PRKG1: variants seen among roughly 807,000 people sequenced by gnomAD.
The protein encoded by PRKG1 is cGMP-dependent protein kinase 1.
Under a neutral mutation model 88.1 loss-of-function variants are expected in PRKG1, and 35 were observed. The ratio of observed to expected loss-of-function variants is 0.40; its 90% CI spans 0.30 to 0.53. The LOEUF (loss-of-function observed/expected upper bound fraction) is 0.53. PRKG1 is among the 20% of genes least tolerant of loss of function. The pLI is 0.59. For missense variants in PRKG1, 540 were observed against 839.8 expected, an observed-to-expected ratio of 0.64 and a Z score of 4.41; for synonymous variants, 303 against 292.5, an observed-to-expected ratio of 1.04 and a Z score of -0.37.
chr10:52,036,750 C>T (rs1287434248), intron 5 of PRKG1, among the ~76,000 whole-genome samples: 2 of 152,084 alleles, frequency 1.3e-5, no homozygotes, highest in East Asian at 3.9e-4. Context: ...AATAAGGGAA[C>T]TGGGCAGGTG....
chr10:51,830,330 A>G (rs1839972010), intron 4 of PRKG1, among the ~76,000 whole-genome samples: 1 of 152,068 alleles, frequency 6.6e-6, no homozygotes, highest in Non-Finnish European at 1.5e-5. Context: ...CTACTTTTTG[A>G]GCCATCTAAC....
chr10:51,155,335 A>G (rs992669328), intron 2 of PRKG1, among the ~76,000 whole-genome samples: 1 of 152,076 alleles, frequency 6.6e-6, no homozygotes, highest in Non-Finnish European at 1.5e-5. Flanking sequence ...TGTTTAGAAA[A>G]TGCCCAACAC....
chr10:52,047,376 A>G (rs972418670), intron 5 of PRKG1, among the ~76,000 whole-genome samples: 1 of 152,122 alleles, frequency 6.6e-6, no homozygotes, highest in African/African-American at 2.4e-5. Context: ...ATATTGCTGC[A>G]CTACTTCTGT....
chr10:51,399,883 G>A (rs912221691), intron 2 of PRKG1, among the ~76,000 whole-genome samples: 7 of 152,182 alleles, frequency 4.6e-5, no homozygotes, highest in Admixed American at 4.6e-4. Flanking sequence ...AGCATGGAAT[G>A]TGGGTGCCGG....
chr10:51,266,735 A>G (rs2132168570), intron 2 of PRKG1, among the ~76,000 whole-genome samples: 1 of 152,324 alleles, frequency 6.6e-6, no homozygotes, highest in Middle Eastern at 3.4e-3. Context: ...AGCTGAACAG[A>G]AAAATTGATA....
chr10:51,661,624 G>A (rs1409268956), intron 3 of PRKG1, among the ~76,000 whole-genome samples: 1 of 152,178 alleles, frequency 6.6e-6, no homozygotes, highest in Non-Finnish European at 1.5e-5. Flanking sequence ...CTTTTTCACT[G>A]TTGGTGGGAG....
chr10:52,110,408 G>A (rs1847534661), intron 7 of PRKG1, among the ~76,000 whole-genome samples: 1 of 82,808 alleles, frequency 1.2e-5, no homozygotes, highest in South Asian at 3.5e-4. Flanking sequence ...ATCTCTTTTT[G>A]TACTCTATTG....
chr10:51,417,710 T>G (rs1312242628), intron 2 of PRKG1, among the ~76,000 whole-genome samples: 2 of 152,186 alleles, frequency 1.3e-5, no homozygotes, highest in Non-Finnish European at 2.9e-5. Context: ...ATGCCATTTT[T>G]GGTATGTGAT....
At chr10:52,289,552 A>C (rs1842194073) in intron 16 of PRKG1, among the ~76,000 whole-genome samples, 1 of 152,286 alleles carries the variant, frequency 6.6e-6, no homozygotes, top group East Asian at 1.9e-4. Context: ...ATCCTTATCA[A>C]AGAAACATGT....
At chr10:52,293,066 C>T (rs1011592175) in intron 17 of PRKG1, among the ~76,000 whole-genome samples, 1 of 150,754 alleles carries the variant, frequency 6.6e-6, no homozygotes, top group African/African-American at 2.4e-5. Flanking sequence ...AGCAAAGTCT[C>T]AGGATACAAA....
chr10:52,062,702 C>T (rs1282133073), intron 7 of PRKG1, 71 bp downstream of exon 7: 2 of 1,163,712 alleles, frequency 1.7e-6, no homozygotes, highest in Admixed American at 1.9e-5. Context: ...ATTTTGAGCT[C>T]CTAGCACAAT....
intron 5 of PRKG1, among the ~76,000 whole-genome samples, chr10:52,039,298 A>G (rs1409188208): frequency 6.6e-6 from 1 of 151,980 alleles, no homozygotes; most frequent in African/African-American, 2.4e-5. Flanking sequence ...GTTCTCTGGC[A>G]GGCAGCAGTG....
At chr10:51,159,165 T>C (rs1410723253) in intron 2 of PRKG1, among the ~76,000 whole-genome samples, 1 of 152,108 alleles carries the variant, frequency 6.6e-6, no homozygotes, top group Non-Finnish European at 1.5e-5. Flanking sequence ...CTTTATACAA[T>C]TAAATGATGT....
chr10:51,830,592 C>T (rs1267499934), intron 4 of PRKG1, among the ~76,000 whole-genome samples: 1 of 127,430 alleles, frequency 7.8e-6, no homozygotes, highest in African/African-American at 2.9e-5. Flanking sequence ...GTCACAGTCT[C>T]ACTCTGTCGG....
chr10:52,006,116 A>G (rs915537583), intron 5 of PRKG1, among the ~76,000 whole-genome samples: 1 of 152,078 alleles, frequency 6.6e-6, no homozygotes, highest in African/African-American at 2.4e-5. Context: ...AAACAAGTCT[A>G]TCAAAAAGAC....
chr10:51,622,066 T>C (rs1434541855), intron 3 of PRKG1, among the ~76,000 whole-genome samples: 2 of 152,232 alleles, frequency 1.3e-5, no homozygotes, highest in African/African-American at 4.8e-5. Flanking sequence ...GTATGCCAAA[T>C]CTGATGACAT....
intron 3 of PRKG1, among the ~76,000 whole-genome samples, chr10:51,591,617 G>A (rs180758583): frequency 6.6e-6 from 1 of 152,224 alleles, no homozygotes; most frequent in African/African-American, 2.4e-5. Context: ...AGACTATTCT[G>A]CAATAAAATA....
intron 1 of PRKG1, among the ~76,000 whole-genome samples, chr10:51,113,211 G>T (rs1845020218): frequency 6.6e-6 from 1 of 152,198 alleles, no homozygotes; most frequent in Non-Finnish European, 1.5e-5. Context: ...AGTGAGTGAG[G>T]TTCAGAGAAG....
chr10:51,291,073 A>G (rs969944210), intron 2 of PRKG1, among the ~76,000 whole-genome samples: 1 of 152,140 alleles, frequency 6.6e-6, no homozygotes. Context: ...TTTCTTTTAC[A>G]CTTATTTCTT....
Sources: allele counts gnomAD v4.1 joint callset (sites outside exome capture counted in the v4.1 genomes callset), GRCh38; gene constraint gnomAD v4.1.1; transcripts MANE v1.5; gene names NCBI Gene and HGNC (gene_info 2026-07-23, HGNC 2026-07-21).